IGFBP2: variants seen among roughly 807,000 people sequenced by gnomAD.
IGFBP2 encodes the protein insulin like growth factor binding protein 2.
Under a neutral mutation model 26.2 loss-of-function variants are expected in IGFBP2, and 12 were observed. That is an observed-to-expected ratio of 0.46 (90% CI 0.29 to 0.74). The LOEUF (loss-of-function observed/expected upper bound fraction) is 0.74, where lower values mean the gene tolerates loss of function less well. Ranked by LOEUF, IGFBP2 falls within the 30% of genes least tolerant of loss-of-function variation. IGFBP2 has a pLI of 0.09. For missense variants in IGFBP2, 328 were observed against 441.2 expected (o/e 0.74, Z 2.30); for synonymous variants, 189 against 200.6 (o/e 0.94, Z 0.49).
chr2:216,651,200 A>G lies in IGFBP2; in HGVS notation c.443-9357A>G, dbSNP rs189715926. On this transcript the variant is annotated intron_variant, in intron 1 of 3. Coordinates refer to ENST00000233809, the MANE Select transcript of IGFBP2 (RefSeq NM_000597.3). ...TAAAGAAGTAACAAATAGAACCCCC[A>G]TTTTACCTTCCTCTTTCCTAACTTC... is the stretch of plus-strand genomic sequence containing the variant. Among the ~76,000 whole-genome samples, 16 of 152,150 alleles carry G rather than the reference A, an allele frequency of 1.1e-4. 1 individual carries two copies. In the East Asian group the frequency reaches 2.9e-3, roughly 27 times the overall value.
At chr2:216,654,125 T>G (rs1383976134) in intron 1 of IGFBP2, among the ~76,000 whole-genome samples, 1 of 152,198 alleles carries the variant, frequency 6.6e-6, no homozygotes, top group Non-Finnish European at 1.5e-5. Context: ...AAATTCCATC[T>G]CTAGCTGGAG....
chr2:216,654,795 T>A (rs902886036), intron 1 of IGFBP2, among the ~76,000 whole-genome samples: 1 of 152,128 alleles, frequency 6.6e-6, no homozygotes, highest in South Asian at 2.1e-4. Flanking sequence ...ACTGCTGAGA[T>A]CAATAAAGAA....
In IGFBP2 at chr2:216,664,140, C is replaced by T. The variant is rs781406269; in HGVS notation, c.*36C>T. ...GCCGGTGCCTGGCGCCCCTGCCCCC[C>T]GCCCCTCTCCAAACACCGGCAGAAA... On this transcript the variant is annotated 3_prime_UTR_variant, in exon 4 of 4. Coordinates refer to ENST00000233809, the MANE Select transcript of IGFBP2 (RefSeq NM_000597.3). The surrounding 1 kb of genome is among the most constrained non-coding windows in gnomAD (Gnocchi z 4.6). The T allele has an allele frequency of 1.1e-5, 16 of 1,498,044 alleles. No individual in the cohort carries two copies. Among genetic ancestry groups the T allele is most frequent in the Admixed American group, 8.7e-5 (4 of 46,186 alleles). The allele number at this position is 1,498,044 out of a possible 1,614,324, so 92.8% of individuals were successfully genotyped here.
chr2:216,633,736 C>T lies in IGFBP2; in HGVS notation c.213C>T (p.Ala71=). 1 of 1,260,478 alleles carries T rather than the reference C, an allele frequency of 7.9e-7. No individual in the cohort carries two copies. The allele number at this position is 1,260,478 out of a possible 1,614,324, so 78.1% of individuals were successfully genotyped here. A position where few individuals can be genotyped will look rare whatever the true frequency, so the allele number is the denominator to read the frequency against. Residue 71 remains alanine (A), a synonymous_variant, in exon 1 of 4, where the codon GCC becomes GCT. Transcript: ENST00000233809. The part of the protein sequence containing the change: ...PAAVAAVAGG[A]RMPCAELVRE... Reference sequence around the variant, plus strand: ...CGGTGGCCGCAGTGGCCGGAGGCGCCCGCATGCCATGCGCGGAGCTCGTCC... The same window carrying T: ...CGGTGGCCGCAGTGGCCGGAGGCGCTCGCATGCCATGCGCGGAGCTCGTCC...
chr2:216,633,654 C>T lies in IGFBP2; in HGVS notation c.131C>T (p.Pro44Leu), dbSNP rs1451240392. 6.4e-6 allele frequency: 7 copies of T among 1,085,792 alleles called. No homozygotes were observed. Among genetic ancestry groups the T allele is most frequent in the African/African-American group, 3.4e-5 (2 of 59,292 alleles). 67.3% of individuals were successfully genotyped at this position (1,085,792 alleles called of 1,614,324 possible). ...ARAEVLFRCPPCTPERLAACG... is the reference protein window; with the variant it reads ...ARAEVLFRCPLCTPERLAACG... Reference sequence around the variant, plus strand: ...GCGGAGGTGCTGTTCCGCTGCCCGCCCTGCACACCCGAGCGCCTGGCCGCC... The same window carrying T: ...GCGGAGGTGCTGTTCCGCTGCCCGCTCTGCACACCCGAGCGCCTGGCCGCC... Residue 44 changes from proline (P) to leucine (L), a missense_variant, in exon 1 of 4, where the codon CCC becomes CTC. Transcript: ENST00000233809.
At chr2:216,660,237 G>C (rs1698009171) in intron 1 of IGFBP2, among the ~76,000 whole-genome samples, 1 of 152,138 alleles carries the variant, frequency 6.6e-6, no homozygotes, top group African/African-American at 2.4e-5. Context: ...TTCTTCTAGA[G>C]CCAGACAGCC....
chr2:216,660,983 C>T (rs1658491005), intron 2 of IGFBP2, 197 bp downstream of exon 2: 1 of 590,820 alleles, frequency 1.7e-6, no homozygotes, highest in South Asian at 2.0e-5. Context: ...ATAGACTGGA[C>T]ATGTGGTTTC....
Position 216,660,573 on chromosome 2 carries a change from C to T in IGFBP2, c.459C>T (p.His153=). The T allele has an allele frequency of 6.2e-7, 1 of 1,609,058 alleles. No homozygotes were observed. Among genetic ancestry groups the T allele is most frequent in the Non-Finnish European group, 8.5e-7 (1 of 1,177,040 alleles). The change falls in exon 2 of 4, where the codon CAC becomes CAT. Residue 153 remains histidine, a synonymous_variant. Coordinates refer to ENST00000233809, the MANE Select transcript of IGFBP2 (RefSeq NM_000597.3). The stretch of plus-strand genomic sequence containing the variant: ...TCTTGGCAGACAATGGCGATGACCA[C>T]TCAGAAGGAGGCCTGGTGGAGAACC... ...PEQVADNGDD[H]SEGGLVENHV...
chr2:216,659,550 T>C, intron 1 of IGFBP2: 1 of 624,676 alleles, frequency 1.6e-6, no homozygotes, highest in Non-Finnish European at 2.9e-6. Flanking sequence ...TGTCTCCTGG[T>C]TACAGCTCTG....
intron 1 of IGFBP2, among the ~76,000 whole-genome samples, chr2:216,644,651 T>G (rs904647165): frequency 8.5e-5 from 13 of 152,146 alleles, no homozygotes; most frequent in African/African-American, 3.1e-4. Context: ...AAAGAATAAG[T>G]GATATAACAG....
chr2:216,659,611 A>G lies in IGFBP2; in HGVS notation c.443-946A>G, dbSNP rs1404310907. The G allele has an allele frequency of 2.8e-5, 24 of 864,576 alleles. No homozygotes were observed. In the East Asian group the frequency reaches 6.1e-4, roughly 22 times the overall value. 53.6% of individuals were successfully genotyped at this position (864,576 alleles called of 1,614,324 possible). On this transcript the variant is annotated intron_variant, in intron 1 of 3. Coordinates refer to ENST00000233809, the MANE Select transcript of IGFBP2 (RefSeq NM_000597.3). ...TCCTTTGGCTGGACGTGCCTCAGCC[A>G]GAGTGAGACTGTGGCAGGCTGGAGC...
chr2:216,640,828 A>G (rs888070387), intron 1 of IGFBP2, among the ~76,000 whole-genome samples: 5 of 152,196 alleles, frequency 3.3e-5, no homozygotes, highest in African/African-American at 1.2e-4. Flanking sequence ...CCAGATTTCA[A>G]TTATGTAGAT....
intron 1 of IGFBP2, among the ~76,000 whole-genome samples, chr2:216,635,943 G>T (rs1166335492): frequency 6.6e-6 from 1 of 152,138 alleles, no homozygotes; most frequent in Non-Finnish European, 1.5e-5. Flanking sequence ...ATGTTAAGCA[G>T]GGGTGGAAGG....
At position 216,664,114 on chromosome 2, in the gene IGFBP2, A is replaced by G; in HGVS notation, c.*10A>G. ...CCAGCGGATGCAGTAGACCGCAGCC[A>G]GCCGGTGCCTGGCGCCCCTGCCCCC... On this transcript the variant is annotated 3_prime_UTR_variant, in exon 4 of 4. Transcript: ENST00000233809. The surrounding 1 kb of genome is among the most constrained non-coding windows in gnomAD (Gnocchi z 4.6). The G allele has an allele frequency of 6.3e-7, 1 of 1,576,660 alleles. No individual in the cohort carries two copies. The highest frequency in any genetic ancestry group is 8.6e-7 in the Non-Finnish European group (1 of 1,158,738).
Position 216,664,194 on chromosome 2 carries a change from G to A in IGFBP2, c.*90G>A. The A allele has an allele frequency of 1.8e-6, 2 of 1,142,796 alleles. No individual in the cohort carries two copies. The highest frequency in any genetic ancestry group is 1.2e-6 in the Non-Finnish European group (1 of 833,988). 70.8% of individuals were successfully genotyped at this position (1,142,796 alleles called of 1,614,324 possible). On this transcript the variant is annotated 3_prime_UTR_variant, in exon 4 of 4. Coordinates refer to ENST00000233809, the MANE Select transcript of IGFBP2 (RefSeq NM_000597.3). The surrounding 1 kb of genome is among the most constrained non-coding windows in gnomAD (Gnocchi z 4.6). Reference sequence around the variant, plus strand: ...GAGAGTGCTTGGGTGGTGGGTGCTGGAGGATTTTCCAGTTCTGACACACGT... The same window carrying A: ...GAGAGTGCTTGGGTGGTGGGTGCTGAAGGATTTTCCAGTTCTGACACACGT...
chr2:216,660,144 A>T (rs1161678017), intron 1 of IGFBP2, among the ~76,000 whole-genome samples: 1 of 152,188 alleles, frequency 6.6e-6, no homozygotes. Context: ...ACTTAAACCC[A>T]TTCCATGGTC....
At chr2:216,660,911 A>T (rs781371341) in intron 2 of IGFBP2, 125 bp downstream of exon 2, 25 of 717,606 alleles carry the variant, frequency 3.5e-5, no homozygotes, top group Non-Finnish European at 4.2e-5. Flanking sequence ...TTTTCTTTCC[A>T]CAAACATAGT....
chr2:216,660,472 A>T, intron 1 of IGFBP2, 85 bp from the exon 2 acceptor site: 2 of 977,616 alleles, frequency 2.0e-6, no homozygotes, highest in South Asian at 1.7e-5. Flanking sequence ...CACCCTCATC[A>T]TCATTACGGT....
chr2:216,661,802 T>G (rs780047242), intron 2 of IGFBP2, 56 bp from the exon 3 acceptor site: 1 of 1,608,652 alleles, frequency 6.2e-7, no homozygotes, highest in Non-Finnish European at 8.5e-7. Flanking sequence ...GTCTGGCGCG[T>G]GCTTCGTGGG....
Sources: allele counts gnomAD v4.1 joint callset (sites outside exome capture counted in the v4.1 genomes callset), GRCh38; gene constraint gnomAD v4.1.1; non-coding constraint Gnocchi (gnomAD v3.1); transcripts MANE v1.5; gene names NCBI Gene and HGNC (gene_info 2026-07-23, HGNC 2026-07-21).